Variants in LRRFIP1 observed in about 807,000 individuals in gnomAD.
LRRFIP1 encodes leucine-rich repeat flightless-interacting protein 1.
Under a neutral mutation model 104.4 loss-of-function variants are expected in LRRFIP1, and 62 were observed. The observed-to-expected ratio is 0.59, with a 90% CI of 0.48 to 0.73. The LOEUF (loss-of-function observed/expected upper bound fraction) is 0.73. Among genes scored for constraint, LRRFIP1 ranks in the 30% least tolerant of loss-of-function variants. The pLI is 0.00. For synonymous variants in LRRFIP1, 300 were observed against 299.0 expected (o/e 1.00, Z -0.03); for missense variants, 796 against 824.5 (o/e 0.97, Z 0.42).
At chr2:237,738,052 A>T (rs1396767491) in intron 10 of LRRFIP1, among the ~76,000 whole-genome samples, 2 of 152,214 alleles carry the variant, frequency 1.3e-5, no homozygotes, top group East Asian at 3.8e-4. Context: ...TCTGGTCACT[A>T]GCCCTGGTGA....
chr2:237,680,006 A>G (rs1464716463), intron 1 of LRRFIP1, among the ~76,000 whole-genome samples: 1 of 152,232 alleles, frequency 6.6e-6, no homozygotes, highest in African/African-American at 2.4e-5. Flanking sequence ...ATAATAATTT[A>G]CTGAAGGACA....
Position 237,649,437 on chromosome 2 carries a change from G to A in LRRFIP1, c.96+21697G>A, listed in dbSNP as rs186247716. On this transcript the variant is annotated intron_variant, in intron 1 of 23. Coordinates refer to ENST00000308482, the MANE Select transcript of LRRFIP1 (RefSeq NM_001137550.2). This position sits in a 1 kb window ranked among gnomAD's most constrained non-coding sequence, Gnocchi z 4.1. The stretch of plus-strand genomic sequence containing the variant: ...TCCCAGCTACTGGGGAGGCTGAGGC[G>A]GGAGAATTGCTTGAGCCCAGGACGT... Among the ~76,000 whole-genome samples, 797 of 152,038 alleles carry A rather than the reference G, an allele frequency of 5.2e-3. 14 individuals carry two copies. Among genetic ancestry groups the A allele is most frequent in the African/African-American group, 0.018 (759 of 41,544 alleles).
intron 1 of LRRFIP1, among the ~76,000 whole-genome samples, chr2:237,671,825 CATGT>C (rs1473731571): frequency 2.0e-5 from 3 of 148,760 alleles, no homozygotes; most frequent in South Asian, 2.2e-4. Flanking sequence ...TGTGTGTGCA[CATGT>C]GTGTGTGTGC....
intron 1 of LRRFIP1, among the ~76,000 whole-genome samples, chr2:237,660,715 A>G (rs1360882994): frequency 1.3e-5 from 2 of 152,232 alleles, no homozygotes; most frequent in East Asian, 3.8e-4. Flanking sequence ...GTTGCCATCC[A>G]TACAAGGAGT....
At chr2:237,716,774 C>T (rs113067661) in intron 3 of LRRFIP1, among the ~76,000 whole-genome samples, 1 of 152,146 alleles carries the variant, frequency 6.6e-6, no homozygotes, top group Admixed American at 6.6e-5. Context: ...AGCAAAACCC[C>T]ATTATTTGGG....
At chr2:237,671,793 CAG>C in intron 1 of LRRFIP1, among the ~76,000 whole-genome samples, 1 of 150,842 alleles carries the variant, frequency 6.6e-6, no homozygotes, top group East Asian at 1.9e-4. Context: ...TGTGTGTGTG[CAG>C]GTGTGTGTGT....
chr2:237,683,999 T>C (rs2149673163), intron 1 of LRRFIP1, among the ~76,000 whole-genome samples: 1 of 152,338 alleles, frequency 6.6e-6, no homozygotes, highest in South Asian at 2.1e-4. Context: ...TGTAGCGTGG[T>C]GGATTCTGAA....
At chr2:237,630,628 C>T (rs4663769) in intron 1 of LRRFIP1, among the ~76,000 whole-genome samples, 63,853 of 152,136 alleles carry the variant, frequency 0.42, 13,701 homozygotes, top group Non-Finnish European at 0.45. Flanking sequence ...GCTGTATGTA[C>T]CAGTCAAGAT....
intron 1 of LRRFIP1, among the ~76,000 whole-genome samples, chr2:237,669,644 G>A (rs549202687): frequency 1.3e-5 from 2 of 152,252 alleles, no homozygotes; most frequent in South Asian, 2.1e-4. Context: ...GCTTTCTCTT[G>A]TATGATGTTG....
chr2:237,749,835 A>G (rs1015239894), intron 13 of LRRFIP1, among the ~76,000 whole-genome samples: 3 of 152,184 alleles, frequency 2.0e-5, no homozygotes, highest in African/African-American at 7.2e-5. Flanking sequence ...TAGTGTAGGT[A>G]TTATTCTCTG....
rs1347425151 is a variant in LRRFIP1, at chr2:237,735,675, C to T, written c.555+342C>T. 7 of 251,024 alleles carry T rather than the reference C, an allele frequency of 2.8e-5. No homozygotes were observed. The highest frequency in any genetic ancestry group is 5.1e-5 in the Admixed American group (1 of 19,422). The allele number at this position is 251,024 out of a possible 1,614,324, so 15.5% of individuals were successfully genotyped here. ...AACTTGACAGACCACACATCATTCT[C>T]GTCCCTGGATAGTTGAGGAAGAGGA... On this transcript the variant is annotated intron_variant, in intron 10 of 23. Coordinates refer to ENST00000308482, the MANE Select transcript of LRRFIP1 (RefSeq NM_001137550.2). This position sits in a 1 kb window ranked among gnomAD's most constrained non-coding sequence, Gnocchi z 4.6.
At chr2:237,637,161 T>C (rs942930071) in intron 1 of LRRFIP1, among the ~76,000 whole-genome samples, 6 of 152,234 alleles carry the variant, frequency 3.9e-5, no homozygotes, top group Non-Finnish European at 7.3e-5. Context: ...TATGAGATTT[T>C]CATAGCTTCA....
At chr2:237,751,371 T>A in intron 14 of LRRFIP1, 100 bp downstream of exon 14, 1 of 904,900 alleles carries the variant, frequency 1.1e-6, no homozygotes, top group Non-Finnish European at 1.7e-6. Context: ...ATGCTTACTG[T>A]AAATAGGCTC....
chr2:237,667,759 C>T (rs141356942), intron 1 of LRRFIP1, among the ~76,000 whole-genome samples: 46 of 152,260 alleles, frequency 3.0e-4, no homozygotes, highest in African/African-American at 8.7e-4. Flanking sequence ...GGGATCCTGA[C>T]GTGAAATGGC....
intron 1 of LRRFIP1, among the ~76,000 whole-genome samples, chr2:237,646,091 T>A (rs1308826380): frequency 6.6e-6 from 1 of 152,010 alleles, no homozygotes; most frequent in Non-Finnish European, 1.5e-5. Flanking sequence ...GCCCTTTTCA[T>A]TTTACTTCTT....
Position 237,779,019 on chromosome 2 carries a change from C to G in LRRFIP1, c.1813-403C>G, listed in dbSNP as rs150192669. Among the ~76,000 whole-genome samples, 23 of 152,214 alleles carry G rather than the reference C, an allele frequency of 1.5e-4. No homozygotes were observed. The East Asian group carries it at 4.4e-3, about 29-fold the overall frequency. On this transcript the variant is annotated intron_variant, in intron 23 of 23. Coordinates refer to ENST00000308482, the MANE Select transcript of LRRFIP1 (RefSeq NM_001137550.2). ...CGGACAGATCACGAGGTCAGGAGAT[C>G]GAGACCATCCTGGCCAACATGGCAA... is the stretch of plus-strand genomic sequence containing the variant.
Position 237,717,062 on chromosome 2 carries a change from G to A in LRRFIP1, c.202-700G>A, listed in dbSNP as rs1033810263. 2.0e-5 allele frequency among the ~76,000 whole-genome samples: 3 copies of A among 151,702 alleles called. No individual in the cohort carries two copies. Among genetic ancestry groups the A allele is most frequent in the African/African-American group, 7.3e-5 (3 of 41,182 alleles). On this transcript the variant is annotated intron_variant, in intron 3 of 23. Coordinates refer to ENST00000308482, the MANE Select transcript of LRRFIP1 (RefSeq NM_001137550.2). This position sits in a 1 kb window ranked among gnomAD's most constrained non-coding sequence, Gnocchi z 4.2. The stretch of plus-strand genomic sequence containing the variant: ...ATCAGCTATCGTTAGTGTAGTTTAT[G>A]TGTGGCCCAAGACACTTCTTCCAGT...
intron 9 of LRRFIP1, among the ~76,000 whole-genome samples, chr2:237,734,273 CTTTTTTTTT>C (rs71870330): frequency 1.1e-5 from 1 of 90,208 alleles, no homozygotes; most frequent in Non-Finnish European, 2.0e-5. Flanking sequence ...TGTTAATAAC[CTTTTTTTTT>C]TTTTTTTTTT....
chr2:237,707,495 AT>A (rs1280194153), intron 1 of LRRFIP1, among the ~76,000 whole-genome samples: 1 of 151,880 alleles, frequency 6.6e-6, no homozygotes, highest in Non-Finnish European at 1.5e-5. Flanking sequence ...AAAGGAAAAG[AT>A]TATGTAAGAC....
Sources: allele counts gnomAD v4.1 joint callset (sites outside exome capture counted in the v4.1 genomes callset), GRCh38; gene constraint gnomAD v4.1.1; non-coding constraint Gnocchi (gnomAD v3.1); transcripts MANE v1.5; gene names NCBI Gene and HGNC (gene_info 2026-07-23, HGNC 2026-07-21).